TJP2: variants seen among roughly 807,000 people sequenced by gnomAD.
TJP2 encodes the protein tight junction protein 2.
Under a neutral mutation model 133.1 loss-of-function variants are expected in TJP2, and 91 were observed. That is an observed-to-expected ratio of 0.68 (90% CI 0.58 to 0.81). TJP2 has a LOEUF of 0.81. TJP2 is among the 40% of genes least tolerant of loss of function. The pLI is 0.00. For missense variants in TJP2, 1,541 were observed against 1,565.6 expected (o/e 0.98, Z 0.26); for synonymous variants, 592 against 583.4 (o/e 1.01, Z -0.21).
At chr9:69,238,877 T>C (rs1830387280) in intron 16 of TJP2, 88 bp downstream of exon 16, 4 of 1,135,958 alleles carry the variant, frequency 3.5e-6, no homozygotes, top group African/African-American at 3.1e-5. Flanking sequence ...TCTGTACTTT[T>C]AATCATTAAA....
chr9:69,248,637 T>C, intron 19 of TJP2: 1 of 1,081,948 alleles, frequency 9.2e-7, no homozygotes, highest in Non-Finnish European at 1.1e-6. Flanking sequence ...TTTCTAATCT[T>C]GCCAAAGCTC....
At chr9:69,136,622 T>A (rs1467403016) in intron 1 of TJP2, among the ~76,000 whole-genome samples, 1 of 152,240 alleles carries the variant, frequency 6.6e-6, no homozygotes, top group Admixed American at 6.5e-5. Flanking sequence ...TTTGCGGTGT[T>A]TCTGGATCTT....
chr9:69,221,393 A>G lies in TJP2; in HGVS notation c.849A>G (p.Arg283=). The G allele has an allele frequency of 6.3e-7, 1 of 1,581,744 alleles. No homozygotes were observed. Among genetic ancestry groups the G allele is most frequent in the Non-Finnish European group, 8.6e-7 (1 of 1,164,588 alleles). Residue 283 remains arginine (R), a synonymous_variant, in exon 5 of 23, where the codon CGA becomes CGG. Coordinates refer to ENST00000377245, the MANE Select transcript of TJP2 (RefSeq NM_004817.4). The part of the protein sequence containing the change: ...ARHDARSRGP[R]SRSREHPHSR... ...ACGATGCCCGCTCTCGGGGACCCCG[A>G]AGCCGCAGCCGCGAGCACCCGCACT...
At chr9:69,137,288 T>A (rs1323592118) in intron 1 of TJP2, among the ~76,000 whole-genome samples, 1 of 79,352 alleles carries the variant, frequency 1.3e-5, no homozygotes, top group African/African-American at 4.5e-5. Context: ...TCTTTCTTTC[T>A]TTCTTTCTTT....
chr9:69,122,417 G>T (rs939830388), intron 1 of TJP2, among the ~76,000 whole-genome samples: 1 of 152,206 alleles, frequency 6.6e-6, no homozygotes, highest in Non-Finnish European at 1.5e-5. Context: ...CTGCCCGCGT[G>T]GTCCGCAAAA....
In TJP2 at chr9:69,252,808, A is replaced by G. The variant is rs750546369; in HGVS notation, c.3322-7A>G. The G allele has an allele frequency of 5.6e-6, 9 of 1,613,904 alleles. No individual in the cohort carries two copies. The South Asian group carries it at 7.7e-5, about 14-fold the overall frequency. On this transcript the variant is annotated splice_polypyrimidine_tract_variant and splice_region_variant and intron_variant, in intron 21 of 22. Transcript: ENST00000377245. ...ACTCTTATTCTTTTCTTTTTTAATT[A>G]CCACAGATCGAAATTGCCCAGAAGC...
chr9:69,193,357 A>AGT (rs1465496843), intron 1 of TJP2, among the ~76,000 whole-genome samples: 1 of 152,034 alleles, frequency 6.6e-6, no homozygotes, highest in Non-Finnish European at 1.5e-5. Flanking sequence ...GTTACCAGGC[A>AGT]GTGGCCTTTG....
At chr9:69,160,451 T>TCCA (rs1399591365) in intron 2 of TJP2, among the ~76,000 whole-genome samples, 3 of 152,180 alleles carry the variant, frequency 2.0e-5, no homozygotes, top group Non-Finnish European at 4.4e-5. Flanking sequence ...TCATTATGAC[T>TCCA]CCACACCTTG....
intron 3 of TJP2, among the ~76,000 whole-genome samples, chr9:69,216,773 C>T (rs1245266693): frequency 1.3e-5 from 2 of 152,096 alleles, no homozygotes; most frequent in Admixed American, 1.3e-4. Context: ...TGCTTCTCAA[C>T]CCCGATGCTT....
intron 1 of TJP2, among the ~76,000 whole-genome samples, chr9:69,151,214 G>T (rs1301223030): frequency 3.9e-5 from 6 of 152,208 alleles, no homozygotes. Context: ...GGGCGCAGTG[G>T]CTGACGCCTG....
chr9:69,235,970 G>A (rs957915034), intron 12 of TJP2, 58 bp from the exon 13 acceptor site: 6 of 1,514,270 alleles, frequency 4.0e-6, no homozygotes, highest in Non-Finnish European at 5.5e-6. Flanking sequence ...TGTGTTGAGT[G>A]TCTAGTACTG....
intron 17 of TJP2, among the ~76,000 whole-genome samples, chr9:69,245,230 G>A (rs2133447053): frequency 6.6e-6 from 1 of 152,288 alleles, no homozygotes; most frequent in East Asian, 1.9e-4. Context: ...AGCTCATTCA[G>A]GATTTTCTAA....
intron 1 of TJP2, among the ~76,000 whole-genome samples, chr9:69,205,887 G>T (rs1425929132): frequency 6.6e-6 from 1 of 151,996 alleles, no homozygotes; most frequent in Non-Finnish European, 1.5e-5. Context: ...ATCTGTTTTG[G>T]GGTTGGCTTT....
At chr9:69,183,941 C>G (rs1825683705) in intron 1 of TJP2, among the ~76,000 whole-genome samples, 1 of 152,194 alleles carries the variant, frequency 6.6e-6, no homozygotes, top group Non-Finnish European at 1.5e-5. Flanking sequence ...TCTTCAACTC[C>G]TGAGTTCAAG....
intron 16 of TJP2, among the ~76,000 whole-genome samples, chr9:69,239,414 T>C (rs1216991203): frequency 6.6e-6 from 1 of 152,192 alleles, no homozygotes; most frequent in African/African-American, 2.4e-5. Flanking sequence ...TTTCCAGAGT[T>C]CCCAGCATTA....
At chr9:69,219,884 G>C (rs907730507) in intron 4 of TJP2, among the ~76,000 whole-genome samples, 7 of 151,872 alleles carry the variant, frequency 4.6e-5, no homozygotes, top group Non-Finnish European at 8.8e-5. Context: ...ATTGGGCCAG[G>C]TTCAGTGGTT....
At chr9:69,180,443 A>G (rs1825415739) in intron 1 of TJP2, among the ~76,000 whole-genome samples, 1 of 152,206 alleles carries the variant, frequency 6.6e-6, no homozygotes, top group Non-Finnish European at 1.5e-5. Context: ...TGAGGGGGAA[A>G]TAATGTTCCA....
chr9:69,212,506 GGTT>G, intron 1 of TJP2, 39 bp from the exon 2 acceptor site: 1 of 1,451,830 alleles, frequency 6.9e-7, no homozygotes, highest in Non-Finnish European at 9.7e-7. Flanking sequence ...GCATTGAAAA[GGTT>G]GTGGTTTTCA....
At position 69,223,033 on chromosome 9, in the gene TJP2, C is replaced by T. The variant is rs191366213; in HGVS notation, c.952+1537C>T. On this transcript the variant is annotated intron_variant, in intron 5 of 22. Coordinates refer to ENST00000377245, the MANE Select transcript of TJP2 (RefSeq NM_004817.4). The stretch of plus-strand genomic sequence containing the variant: ...TGCAGTAGCAGAGATCATGTCACTG[C>T]ACTCCAGCCTGGGTGACAGAGCGAG... Among the ~76,000 whole-genome samples, 12 of 128,704 alleles carry T rather than the reference C, an allele frequency of 9.3e-5. 1 individual carries two copies. In the East Asian group the frequency reaches 2.8e-3, roughly 30 times the overall value. 84.4% of individuals were successfully genotyped at this position (128,704 alleles called of 152,430 possible).
Sources: gnomAD v4.1 joint callset for allele counts (sites outside exome capture counted in the v4.1 genomes callset) on GRCh38, gnomAD v4.1.1 for gene constraint, MANE v1.5 for transcripts, NCBI Gene and HGNC (gene_info 2026-07-23, HGNC 2026-07-21) for gene names.